The following CLCN4 variants were observed in gnomAD, a reference collection of about 807,000 sequenced individuals.
The protein encoded by CLCN4 is H(+)/Cl(-) exchange transporter 4.
A neutral mutation model predicts 41.7 loss-of-function variants in CLCN4; 1 was observed. The ratio of observed to expected loss-of-function variants is 0.02; its 90% CI spans 0.01 to 0.11. The LOEUF is 0.11. Among genes scored for constraint, CLCN4 ranks in the 10% least tolerant of loss-of-function variants. The pLI, the probability that CLCN4 is intolerant of heterozygous loss-of-function variation, is 1.00. For synonymous variants in CLCN4, 277 were observed against 285.8 expected (o/e 0.97, Z 0.31); for missense variants, 287 against 661.0 (o/e 0.43, Z 6.20).
chrX:10,227,408 A>G (rs1925016021), intron 12 of CLCN4, among the ~76,000 whole-genome samples: 1 of 111,820 alleles, frequency 8.9e-6, no homozygotes, highest in South Asian at 3.7e-4. Context: ...ACCTCAAAAT[A>G]ATAAGAGCCA....
chrX:10,169,516 C>CA (rs1298225739), intron 2 of CLCN4, among the ~76,000 whole-genome samples: 2 of 109,059 alleles, frequency 1.8e-5, no homozygotes, highest in Admixed American at 9.6e-5. Flanking sequence ...AACAAACAAA[C>CA]AAACAAAACC....
chrX:10,164,806 A>G (rs1235825693), intron 2 of CLCN4, among the ~76,000 whole-genome samples: 2 of 112,255 alleles, frequency 1.8e-5, no homozygotes, highest in African/African-American at 6.5e-5. Flanking sequence ...GGGACAGCAG[A>G]GGAAATGGCC....
At chrX:10,169,775 CTTTTTCTTTTCTTTTCTTT>C (rs1923341166) in intron 2 of CLCN4, among the ~76,000 whole-genome samples, 1 of 84,997 alleles carries the variant, frequency 1.2e-5, no homozygotes, top group African/African-American at 5.5e-5. Flanking sequence ...CTTTTTTTTT[CTTTTTCTTTTCTTTTCTTT>C]TTTTTTTTTT....
chrX:10,206,516 C>T lies in CLCN4; in HGVS notation c.714C>T (p.Phe238=). The T allele has an allele frequency of 8.3e-7, 1 of 1,210,695 alleles. No individual in the cohort carries two copies. The highest frequency in any genetic ancestry group is 1.8e-5 in the South Asian group (1 of 56,666). The part of the protein sequence containing the change: ...VHVACCCGNF[F]SSLFSKYSKN... ...TGGCTTGTTGCTGTGGCAACTTCTT[C>T]AGCAGCCTTTTCTCCAAGTACAGCA... The change falls in exon 7 of 13, where the codon TTC becomes TTT. Residue 238 remains phenylalanine (F), a synonymous_variant. Coordinates refer to ENST00000380833, the MANE Select transcript of CLCN4 (RefSeq NM_001830.4).
At chrX:10,182,837 A>G (rs958335524) in intron 2 of CLCN4, among the ~76,000 whole-genome samples, 86 of 112,461 alleles carry the variant, frequency 7.6e-4, no homozygotes, top group African/African-American at 2.7e-3. Context: ...TTTCCTCAGG[A>G]CCACTGCATG....
chrX:10,214,442 G>A (rs895270489), intron 11 of CLCN4, among the ~76,000 whole-genome samples: 1 of 113,301 alleles, frequency 8.8e-6, no homozygotes, highest in East Asian at 2.8e-4. Flanking sequence ...TTCAGCAATT[G>A]TTGGCTAAAG....
intron 2 of CLCN4, among the ~76,000 whole-genome samples, chrX:10,169,101 G>A (rs1012121417): frequency 9.0e-6 from 1 of 111,252 alleles, no homozygotes; most frequent in African/African-American, 3.3e-5. Context: ...TGTGCTTGGG[G>A]TTTGTTGAGC....
At chrX:10,204,478 A>C (rs974250917) in intron 6 of CLCN4, among the ~76,000 whole-genome samples, 1 of 111,716 alleles carries the variant, frequency 9.0e-6, no homozygotes, top group African/African-American at 3.3e-5. Flanking sequence ...AGAATTGGAC[A>C]GTAAAAATTC....
intron 6 of CLCN4, among the ~76,000 whole-genome samples, chrX:10,203,807 G>A (rs977790034): frequency 6.3e-5 from 7 of 111,718 alleles, no homozygotes; most frequent in African/African-American, 2.3e-4. Flanking sequence ...TGAGTGCCAC[G>A]GTTGAGAACG....
intron 2 of CLCN4, among the ~76,000 whole-genome samples, chrX:10,175,928 C>G (rs763928026): frequency 3.1e-4 from 24 of 76,965 alleles, no homozygotes; most frequent in Non-Finnish European, 4.5e-4. Context: ...CTCTCTCTCT[C>G]CCCCTCCCTC....
intron 2 of CLCN4, among the ~76,000 whole-genome samples, chrX:10,159,739 A>G (rs1395621544): frequency 9.0e-6 from 1 of 110,752 alleles, no homozygotes; most frequent in African/African-American, 3.3e-5. Flanking sequence ...GTTTATTGCA[A>G]TTTTCTTCCT....
At chrX:10,186,959 C>T (rs777872835) in intron 3 of CLCN4, among the ~76,000 whole-genome samples, 1 of 111,721 alleles carries the variant, frequency 9.0e-6, no homozygotes, top group Non-Finnish European at 1.9e-5. Flanking sequence ...TCTAAAAGGC[C>T]GTGAGGGAAT....
intron 11 of CLCN4, among the ~76,000 whole-genome samples, chrX:10,215,802 G>A (rs1924689143): frequency 8.9e-6 from 1 of 112,123 alleles, no homozygotes; most frequent in South Asian, 3.7e-4. Context: ...AGAAATTTAA[G>A]CTTACCAACC....
intron 6 of CLCN4, among the ~76,000 whole-genome samples, chrX:10,199,559 C>T (rs1320709352): frequency 2.7e-5 from 3 of 110,717 alleles, no homozygotes; most frequent in Non-Finnish European, 3.8e-5. Context: ...ATGTGTGAAC[C>T]GGTAGATGTT....
intron 2 of CLCN4, among the ~76,000 whole-genome samples, chrX:10,184,034 T>G (rs759585577): frequency 1.2e-4 from 14 of 112,067 alleles, no homozygotes; most frequent in Non-Finnish European, 2.1e-4. Flanking sequence ...ACCAACTCAT[T>G]AAAGTCTTGC....
At chrX:10,173,837 A>T (rs886181703) in intron 2 of CLCN4, among the ~76,000 whole-genome samples, 1 of 111,956 alleles carries the variant, frequency 8.9e-6, no homozygotes, top group Non-Finnish European at 1.9e-5. Context: ...ATCTGCTGGA[A>T]TGTAGGGAGC....
intron 11 of CLCN4, among the ~76,000 whole-genome samples, chrX:10,215,689 G>T (rs999287014): frequency 8.9e-6 from 1 of 111,970 alleles, no homozygotes; most frequent in African/African-American, 3.2e-5. Flanking sequence ...ATTATCTATT[G>T]TATAGCTCCA....
At chrX:10,204,837 C>T (rs1331523321) in intron 6 of CLCN4, among the ~76,000 whole-genome samples, 1 of 109,487 alleles carries the variant, frequency 9.1e-6, no homozygotes, top group Non-Finnish European at 1.9e-5. Flanking sequence ...ATTAAATTGA[C>T]ATATAAGACA....
chrX:10,160,244 T>C (rs1446110909), intron 2 of CLCN4, among the ~76,000 whole-genome samples: 2 of 111,760 alleles, frequency 1.8e-5, no homozygotes, highest in East Asian at 5.6e-4. Context: ...TTTCTTATGA[T>C]TGGTTTGATG....
Sources: allele counts gnomAD v4.1 joint callset (sites outside exome capture counted in the v4.1 genomes callset), GRCh38; gene constraint gnomAD v4.1.1; transcripts MANE v1.5; gene names NCBI Gene and HGNC (gene_info 2026-07-23, HGNC 2026-07-21).